ARFIP1: variants seen among roughly 807,000 people sequenced by gnomAD.
The protein encoded by ARFIP1 is arfaptin-1.
A neutral mutation model predicts 42.5 loss-of-function variants in ARFIP1; 24 were observed. The observed-to-expected ratio is 0.57, with a 90% CI of 0.41 to 0.80. The LOEUF (loss-of-function observed/expected upper bound fraction) is 0.80, where lower values mean the gene tolerates loss of function less well. Among genes scored for constraint, ARFIP1 ranks in the 30% least tolerant of loss-of-function variants. ARFIP1 has a pLI of 0.00. For missense variants in ARFIP1, 354 were observed against 434.0 expected, an observed-to-expected ratio of 0.82 and a Z score of 1.64; for synonymous variants, 141 against 153.7, an observed-to-expected ratio of 0.92 and a Z score of 0.61.
At chr4:152,795,820 A>ATTTGTTTTTT in intron 1 of ARFIP1, among the ~76,000 whole-genome samples, 1 of 28,066 alleles carries the variant, frequency 3.6e-5, no homozygotes. Context: ...GGCCCTTGTA[A>ATTTGTTTTTT]TTTTTTTTTT....
At chr4:152,840,044 T>C (rs13126383) in intron 2 of ARFIP1, among the ~76,000 whole-genome samples, 26,628 of 152,220 alleles carry the variant, frequency 0.17, 2,479 homozygotes, top group African/African-American at 0.23. Flanking sequence ...AATTTCCATG[T>C]ATTTGCATGG....
At chr4:152,893,117 G>A (rs1737000899) in intron 8 of ARFIP1, among the ~76,000 whole-genome samples, 2 of 152,176 alleles carry the variant, frequency 1.3e-5, no homozygotes, top group Admixed American at 6.6e-5. Context: ...TTCTTTTACA[G>A]CCCTCATAAA....
At chr4:152,847,759 G>A (rs1732680028) in intron 2 of ARFIP1, among the ~76,000 whole-genome samples, 1 of 152,136 alleles carries the variant, frequency 6.6e-6, no homozygotes, top group Non-Finnish European at 1.5e-5. Flanking sequence ...GAGTTTAAGA[G>A]CAGAAGCAAA....
chr4:152,819,234 C>T (rs546203101), intron 1 of ARFIP1, among the ~76,000 whole-genome samples: 1 of 152,176 alleles, frequency 6.6e-6, no homozygotes, highest in Admixed American at 6.5e-5. Context: ...CATCTGCAGG[C>T]ACAATAACAC....
At chr4:152,822,598 C>T (rs1730476801) in intron 1 of ARFIP1, among the ~76,000 whole-genome samples, 1 of 152,204 alleles carries the variant, frequency 6.6e-6, no homozygotes, top group Admixed American at 6.5e-5. Context: ...CACCCAGGAA[C>T]CGCAGAATAA....
intron 1 of ARFIP1, among the ~76,000 whole-genome samples, chr4:152,822,295 GTA>G (rs1491291066): frequency 2.5e-5 from 1 of 39,990 alleles, no homozygotes; most frequent in East Asian, 7.2e-4. Context: ...AGCAACAGCA[GTA>G]AAAAAAAAAA....
intron 5 of ARFIP1, among the ~76,000 whole-genome samples, chr4:152,875,247 C>T (rs779291432): frequency 2.0e-5 from 3 of 151,620 alleles, no homozygotes; most frequent in Non-Finnish European, 4.4e-5. Flanking sequence ...AATTTGAATC[C>T]AAAATCTATT....
intron 5 of ARFIP1, among the ~76,000 whole-genome samples, chr4:152,880,597 G>A (rs113940943): frequency 6.4e-4 from 98 of 152,222 alleles, no homozygotes; most frequent in African/African-American, 2.2e-3. Flanking sequence ...GAAAGCAGTA[G>A]GAGAGTAGTA....
chr4:152,889,865 CTATATATAT>C (rs1369714394), intron 8 of ARFIP1, among the ~76,000 whole-genome samples: 3 of 123,184 alleles, frequency 2.4e-5, no homozygotes, highest in African/African-American at 6.3e-5. Flanking sequence ...ACTATATATA[CTATATATAT>C]ACTAATATAT....
At chr4:152,814,691 CAAA>C (rs1388496534) in intron 1 of ARFIP1, among the ~76,000 whole-genome samples, 1 of 151,998 alleles carries the variant, frequency 6.6e-6, no homozygotes, top group African/African-American at 2.4e-5. Flanking sequence ...GACCCTGTCT[CAAA>C]AAATAAATAA....
chr4:152,803,779 A>G (rs1169942702), intron 1 of ARFIP1, among the ~76,000 whole-genome samples: 2 of 151,786 alleles, frequency 1.3e-5, no homozygotes, highest in South Asian at 4.1e-4. Flanking sequence ...AGACAGCCCT[A>G]ATGATATAAA....
At chr4:152,792,237 T>C (rs1731182783) in intron 1 of ARFIP1, among the ~76,000 whole-genome samples, 2 of 152,228 alleles carry the variant, frequency 1.3e-5, no homozygotes, top group Non-Finnish European at 2.9e-5. Flanking sequence ...TATCATTATT[T>C]ATAGTACTTT....
At chr4:152,832,968 T>C (rs1341666145) in intron 2 of ARFIP1, among the ~76,000 whole-genome samples, 1 of 152,096 alleles carries the variant, frequency 6.6e-6, no homozygotes, top group Non-Finnish European at 1.5e-5. Context: ...GGGGAGAAGC[T>C]CCATGACATT....
chr4:152,879,824 G>C (rs2149890704), intron 5 of ARFIP1, among the ~76,000 whole-genome samples: 1 of 152,152 alleles, frequency 6.6e-6, no homozygotes, highest in South Asian at 2.1e-4. Context: ...ACTCCAGCCT[G>C]GGCAACAGGA....
chr4:152,787,089 A>G (rs140709640), intron 1 of ARFIP1, among the ~76,000 whole-genome samples: 169 of 152,284 alleles, frequency 1.1e-3, no homozygotes, highest in African/African-American at 3.6e-3. Context: ...GGTAAGGTCC[A>G]TATCTTGTTT....
intron 1 of ARFIP1, among the ~76,000 whole-genome samples, chr4:152,826,497 G>A (rs1730849783): frequency 6.6e-6 from 1 of 152,020 alleles, no homozygotes; most frequent in South Asian, 2.1e-4. Context: ...GGGAGTGAGG[G>A]ATAAAAAACT....
At chr4:152,904,377 G>A (rs573753074) in intron 8 of ARFIP1, among the ~76,000 whole-genome samples, 1 of 151,828 alleles carries the variant, frequency 6.6e-6, no homozygotes, top group Admixed American at 6.6e-5. Flanking sequence ...ATTTTTAGTA[G>A]AGACAGGTTT....
chr4:152,796,410 C>A, intron 1 of ARFIP1: 1 of 739,704 alleles, frequency 1.4e-6, no homozygotes, highest in Non-Finnish European at 2.5e-6. Flanking sequence ...CTCTTCCATG[C>A]CTTCTTCTTT....
At chr4:152,845,732 C>G (rs1410189546) in intron 2 of ARFIP1, among the ~76,000 whole-genome samples, 2 of 152,128 alleles carry the variant, frequency 1.3e-5, no homozygotes, top group Non-Finnish European at 2.9e-5. Flanking sequence ...AAAGGGAACA[C>G]TTATACACTG....
Sources: gnomAD v4.1 joint callset for allele counts (sites outside exome capture counted in the v4.1 genomes callset) on GRCh38, gnomAD v4.1.1 for gene constraint, MANE v1.5 for transcripts, NCBI Gene and HGNC (gene_info 2026-07-23, HGNC 2026-07-21) for gene names.